The following RBFOX2 variants were observed in gnomAD, a reference collection of about 807,000 sequenced individuals.
The protein encoded by RBFOX2 is RNA binding protein fox-1 homolog 2.
RBFOX2 carries 10 observed loss-of-function variants against 49.1 expected under a neutral mutation model. The ratio of observed to expected loss-of-function variants is 0.20; its 90% CI spans 0.13 to 0.35. The LOEUF is 0.35. Among genes scored for constraint, RBFOX2 ranks in the 10% least tolerant of loss-of-function variants. The pLI, the probability that RBFOX2 is intolerant of heterozygous loss-of-function variation, is 1.00. For synonymous variants in RBFOX2, 183 were observed against 187.4 expected (o/e 0.98, Z 0.19); for missense variants, 323 against 486.9 (o/e 0.66, Z 3.17).
chr22:35,812,482 A>G (rs996383200), intron 1 of RBFOX2, among the ~76,000 whole-genome samples: 7 of 152,098 alleles, frequency 4.6e-5, no homozygotes, highest in African/African-American at 1.7e-4. Context: ...CCTTCAAATT[A>G]TTCAATGCTC....
At chr22:35,775,749 A>T (rs543843967) in intron 4 of RBFOX2, among the ~76,000 whole-genome samples, 2 of 150,050 alleles carry the variant, frequency 1.3e-5, no homozygotes, top group South Asian at 4.2e-4. Flanking sequence ...GCTGAGGCAC[A>T]AGAATTGCTT....
intron 8 of RBFOX2, among the ~76,000 whole-genome samples, chr22:35,760,713 A>G (rs1938500263): frequency 6.6e-6 from 1 of 152,190 alleles, no homozygotes; most frequent in South Asian, 2.1e-4. Context: ...GTCCTCTGGA[A>G]AGCATGCAGA....
intron 1 of RBFOX2, among the ~76,000 whole-genome samples, chr22:35,956,214 A>G (rs1328844985): frequency 6.6e-6 from 1 of 152,166 alleles, no homozygotes; most frequent in Non-Finnish European, 1.5e-5. Flanking sequence ...ATCACCACCA[A>G]TCTCATCTGA....
At chr22:35,800,820 CA>C (rs1364256008) in intron 2 of RBFOX2, among the ~76,000 whole-genome samples, 7 of 151,950 alleles carry the variant, frequency 4.6e-5, no homozygotes, top group African/African-American at 1.7e-4. Context: ...CTTAGGAAGA[CA>C]AAAGTCAATT....
At chr22:35,990,921 C>A (rs1260549684) in intron 1 of RBFOX2, among the ~76,000 whole-genome samples, 1 of 151,904 alleles carries the variant, frequency 6.6e-6, no homozygotes, top group African/African-American at 2.4e-5. Context: ...AGAGAGAGAA[C>A]AACAGAATAC....
intron 1 of RBFOX2, among the ~76,000 whole-genome samples, chr22:35,875,840 T>C (rs1248007204): frequency 2.0e-5 from 3 of 152,104 alleles, no homozygotes; most frequent in Non-Finnish European, 4.4e-5. Context: ...AAAGAAAACA[T>C]TTTAACTAAC....
At chr22:35,851,669 A>G (rs1283533413) in intron 1 of RBFOX2, among the ~76,000 whole-genome samples, 1 of 152,090 alleles carries the variant, frequency 6.6e-6, no homozygotes, top group Non-Finnish European at 1.5e-5. Context: ...TCTATTAAAA[A>G]TACAAAAATT....
chr22:36,015,410 T>A (rs887281508), intron 1 of RBFOX2, among the ~76,000 whole-genome samples: 22 of 152,292 alleles, frequency 1.4e-4, no homozygotes, highest in African/African-American at 5.3e-4. Context: ...CCTGTAAGCT[T>A]TGCCAAAGGG....
At chr22:35,930,117 G>A (rs967022377) in intron 1 of RBFOX2, among the ~76,000 whole-genome samples, 18 of 150,712 alleles carry the variant, frequency 1.2e-4, no homozygotes, top group Non-Finnish European at 2.2e-4. Context: ...CGCCTCCTGG[G>A]TTCAAGCGAT....
chr22:35,842,611 G>A (rs142129351), upstream of RBFOX2, among the ~76,000 whole-genome samples: 306 of 152,222 alleles, frequency 2.0e-3, no homozygotes, highest in African/African-American at 7.1e-3. Flanking sequence ...CAGAATCACT[G>A]TGTATCATTC....
At chr22:35,814,710 C>CAAAAAAAAAAA (rs55971445) in intron 1 of RBFOX2, among the ~76,000 whole-genome samples, 12 of 31,000 alleles carry the variant, frequency 3.9e-4, no homozygotes, top group African/African-American at 9.1e-4. Flanking sequence ...AACCCTGTCT[C>CAAAAAAAAAAA]AAAAAAAAAA....
chr22:35,960,279 T>C (rs1041025981), intron 1 of RBFOX2, among the ~76,000 whole-genome samples: 2 of 152,134 alleles, frequency 1.3e-5, no homozygotes, highest in Non-Finnish European at 1.5e-5. Context: ...CACTGTGAGG[T>C]TGGTACTCAC....
chr22:35,976,103 C>G (rs553006834), intron 1 of RBFOX2, among the ~76,000 whole-genome samples: 1 of 152,132 alleles, frequency 6.6e-6, no homozygotes, highest in Non-Finnish European at 1.5e-5. Flanking sequence ...TTCAATAAAT[C>G]GCATCCCCTC....
At chr22:35,953,210 CAAA>C (rs34387129) in intron 1 of RBFOX2, among the ~76,000 whole-genome samples, 1 of 22,418 alleles carries the variant, frequency 4.5e-5, no homozygotes, top group Non-Finnish European at 8.9e-5. Flanking sequence ...GACTCCATCT[CAAA>C]AAAAAAAAAA....
intron 2 of RBFOX2, among the ~76,000 whole-genome samples, chr22:35,804,134 T>G (rs1036029481): frequency 6.6e-6 from 1 of 152,002 alleles, no homozygotes; most frequent in African/African-American, 2.4e-5. Context: ...AAAAATGAGC[T>G]GGGCATGGTG....
At chr22:35,985,894 A>G (rs1187824753) in intron 1 of RBFOX2, among the ~76,000 whole-genome samples, 3 of 138,810 alleles carry the variant, frequency 2.2e-5, no homozygotes, top group East Asian at 4.4e-4. Context: ...ATAGATAGAT[A>G]GATAGATGGA....
chr22:35,976,963 CAA>C (rs199582145), intron 1 of RBFOX2, among the ~76,000 whole-genome samples: 10 of 59,532 alleles, frequency 1.7e-4, no homozygotes, highest in Admixed American at 3.8e-4. Flanking sequence ...GACTCCGTCT[CAA>C]AAAAAAAAAA....
chr22:35,763,884 T>C (rs1939865610), intron 6 of RBFOX2, among the ~76,000 whole-genome samples: 1 of 152,146 alleles, frequency 6.6e-6, no homozygotes, highest in African/African-American at 2.4e-5. Flanking sequence ...TGTCACGGAG[T>C]AAATAAAGAG....
At chr22:35,982,233 T>TC (rs991237938) in intron 1 of RBFOX2, among the ~76,000 whole-genome samples, 23 of 152,066 alleles carry the variant, frequency 1.5e-4, no homozygotes, top group African/African-American at 5.1e-4. Flanking sequence ...GAGTCCTAAT[T>TC]CCCCCACCCT....
Sources: gnomAD v4.1 joint callset for allele counts (sites outside exome capture counted in the v4.1 genomes callset) on GRCh38, gnomAD v4.1.1 for gene constraint, MANE v1.5 for transcripts, NCBI Gene and HGNC (gene_info 2026-07-23, HGNC 2026-07-21) for gene names.